Variants in BCAR3 observed in about 807,000 individuals in gnomAD.
BCAR3 encodes BCAR3 adaptor protein, NSP family member.
In BCAR3, 37 loss-of-function variants were observed where a neutral mutation model predicts 80.1. The ratio of observed to expected loss-of-function variants is 0.46; its 90% CI spans 0.36 to 0.61. BCAR3 has a LOEUF of 0.61. Ranked by LOEUF, BCAR3 falls within the 20% of genes least tolerant of loss-of-function variation. The pLI is 0.00. For synonymous variants in BCAR3, 389 were observed against 418.9 expected, an observed-to-expected ratio of 0.93 and a Z score of 0.87; for missense variants, 978 against 1,068.2, an observed-to-expected ratio of 0.92 and a Z score of 1.18.
In BCAR3 at chr1:93,746,533, G is replaced by C. The variant is rs547925081; in HGVS notation, c.-62-40391C>G. On this transcript the variant is annotated intron_variant, in intron 2 of 13. Coordinates refer to the BCAR3 transcript ENST00000370244. ...ACTTTCTCAGAGCAGCAGAAAGGGA[G>C]AGGCCATTATTAAATTTGTTCTCCC... Among the ~76,000 whole-genome samples the C allele has an allele frequency of 2.3e-4, 35 of 152,260 alleles. No individual in the cohort carries two copies. In the Middle Eastern group the frequency reaches 0.01, roughly 44 times the overall value.
intron 2 of BCAR3, among the ~76,000 whole-genome samples, chr1:93,816,444 A>G: frequency 6.6e-6 from 1 of 152,014 alleles, no homozygotes; most frequent in East Asian, 1.9e-4. Context: ...AGGTTGAGGC[A>G]GGCAGATCAC....
intron 3 of BCAR3, among the ~76,000 whole-genome samples, chr1:93,614,621 C>G (rs1441365277): frequency 6.6e-6 from 1 of 152,164 alleles, no homozygotes; most frequent in Non-Finnish European, 1.5e-5. Flanking sequence ...AACGTTGGCA[C>G]AGCCATCACT....
intron 2 of BCAR3, among the ~76,000 whole-genome samples, chr1:93,764,396 G>A (rs1364422798): frequency 1.3e-5 from 2 of 151,820 alleles, no homozygotes; most frequent in South Asian, 2.1e-4. Context: ...CTCTGACACC[G>A]CCATTCATCG....
At position 93,756,843 on chromosome 1, in the gene BCAR3, G is replaced by C. The variant is rs367566968; in HGVS notation, c.-62-50701C>G. 2.0e-5 allele frequency among the ~76,000 whole-genome samples: 3 copies of C among 152,206 alleles called. No homozygotes were observed. In the East Asian group the frequency reaches 5.8e-4, roughly 29 times the overall value. On this transcript the variant is annotated intron_variant, in intron 2 of 13. Coordinates refer to the BCAR3 transcript ENST00000370244. ...GAGAGTCTCATGGCTTTGATGACTA[G>C]TCCCTGGCATTCCTATGGCTGCTGT...
intron 2 of BCAR3, among the ~76,000 whole-genome samples, chr1:93,806,684 G>A (rs1034639085): frequency 1.3e-5 from 2 of 152,156 alleles, no homozygotes; most frequent in African/African-American, 4.8e-5. Context: ...GAAAGATGAG[G>A]CTGGGGAAAG....
At chr1:93,801,596 C>T (rs1260405164) in intron 2 of BCAR3, among the ~76,000 whole-genome samples, 3 of 152,242 alleles carry the variant, frequency 2.0e-5, no homozygotes, top group Admixed American at 1.3e-4. Flanking sequence ...AAATATCAGG[C>T]GAATTGTTTA....
chr1:93,648,321 C>G (rs760059842), intron 2 of BCAR3, among the ~76,000 whole-genome samples: 7 of 151,962 alleles, frequency 4.6e-5, no homozygotes, highest in African/African-American at 7.3e-5. Context: ...GAGAGAGGTG[C>G]TATGTGTAGA....
intron 3 of BCAR3, among the ~76,000 whole-genome samples, chr1:93,636,319 T>TAC (rs1388660202): frequency 6.6e-6 from 1 of 152,228 alleles, no homozygotes; most frequent in Non-Finnish European, 1.5e-5. Flanking sequence ...GCTCAGAGAC[T>TAC]GTAGGTCATT....
intron 2 of BCAR3, among the ~76,000 whole-genome samples, chr1:93,767,282 G>A (rs59972811): frequency 0.12 from 17,801 of 152,070 alleles, 1,460 homozygotes; most frequent in African/African-American, 0.22. Flanking sequence ...CAGCACTTTC[G>A]GAGGCCGAGG....
At chr1:93,827,115 A>G (rs1411584087) in intron 2 of BCAR3, among the ~76,000 whole-genome samples, 2 of 152,114 alleles carry the variant, frequency 1.3e-5, no homozygotes, top group Non-Finnish European at 2.9e-5. Context: ...GTGTTTATTG[A>G]ACAAATAAAG....
Position 93,571,853 on chromosome 1 carries a change from G to T in BCAR3, c.1803-12C>A. On this transcript the variant is annotated splice_polypyrimidine_tract_variant and intron_variant, in intron 8 of 11. Coordinates refer to ENST00000260502, the MANE Select transcript of BCAR3 (RefSeq NM_003567.4). ...CCATTGTGTTGTGTCTGAAAGCCAGGAGATCAGCGGTCAGGTTCAGGGCCA... is the reference window on the plus strand; with the variant it reads ...CCATTGTGTTGTGTCTGAAAGCCAGTAGATCAGCGGTCAGGTTCAGGGCCA... 14 of 1,609,154 alleles carry T rather than the reference G, an allele frequency of 8.7e-6. No homozygotes were observed. The highest frequency in any genetic ancestry group is 1.2e-5 in the Non-Finnish European group (14 of 1,177,212).
intron 2 of BCAR3, among the ~76,000 whole-genome samples, chr1:93,820,417 T>C (rs1654170324): frequency 6.6e-6 from 1 of 152,258 alleles, no homozygotes; most frequent in African/African-American, 2.4e-5. Context: ...CCTGTATTCC[T>C]GACTGACCAG....
At chr1:93,833,983 G>A (rs755251094) in intron 2 of BCAR3, among the ~76,000 whole-genome samples, 15 of 152,124 alleles carry the variant, frequency 9.9e-5, no homozygotes, top group South Asian at 2.1e-4. Context: ...AAAGACAGGC[G>A]TAAGAAATTA....
At chr1:93,764,304 C>G (rs1046056116) in intron 2 of BCAR3, among the ~76,000 whole-genome samples, 36 of 152,096 alleles carry the variant, frequency 2.4e-4, no homozygotes, top group Admixed American at 1.3e-4. Flanking sequence ...ATGGATGTCC[C>G]ATAGGCCCCT....
chr1:93,682,190 C>T (rs562482923), upstream of BCAR3, among the ~76,000 whole-genome samples: 32 of 152,246 alleles, frequency 2.1e-4, no homozygotes, highest in Non-Finnish European at 4.6e-4. Flanking sequence ...AGACAAAGCC[C>T]CAGGTAACCA....
At chr1:93,816,383 A>G (rs1307376057) in intron 2 of BCAR3, among the ~76,000 whole-genome samples, 1 of 152,176 alleles carries the variant, frequency 6.6e-6, no homozygotes, top group Non-Finnish European at 1.5e-5. Flanking sequence ...TTTAGAAATT[A>G]AAACTCTGGG....
chr1:93,787,318 CTCTGA>C (rs1652982494), intron 2 of BCAR3, among the ~76,000 whole-genome samples: 1 of 152,122 alleles, frequency 6.6e-6, no homozygotes, highest in African/African-American at 2.4e-5. Context: ...TTTAGTTCTG[CTCTGA>C]TCTTTGTTAA....
At chr1:93,789,950 C>T (rs990877721) in intron 2 of BCAR3, among the ~76,000 whole-genome samples, 2 of 152,056 alleles carry the variant, frequency 1.3e-5, no homozygotes, top group East Asian at 3.9e-4. Flanking sequence ...TTTTGTAAGC[C>T]TTGGGACTTT....
intron 1 of BCAR3, among the ~76,000 whole-genome samples, chr1:93,678,885 A>G (rs998175198): frequency 6.6e-6 from 1 of 152,242 alleles, no homozygotes; most frequent in African/African-American, 2.4e-5. Context: ...TTGGAATGAC[A>G]GCTGATGGAG....
Sources: allele counts gnomAD v4.1 joint callset (sites outside exome capture counted in the v4.1 genomes callset), GRCh38; gene constraint gnomAD v4.1.1; transcripts MANE v1.5; gene names NCBI Gene and HGNC (gene_info 2026-07-23, HGNC 2026-07-21).